The following MCMDC2 variants were observed in gnomAD, a reference collection of about 807,000 sequenced individuals.
MCMDC2 encodes the protein minichromosome maintenance domain-containing protein 2.
A neutral mutation model predicts 75.8 loss-of-function variants in MCMDC2; 54 were observed. That is an observed-to-expected ratio of 0.71 (90% CI 0.57 to 0.89). The LOEUF is 0.89. MCMDC2 is among the 40% of genes least tolerant of loss of function. The pLI is 0.00. For synonymous variants in MCMDC2, 249 were observed against 274.6 expected (o/e 0.91, Z 0.92); for missense variants, 656 against 780.4 (o/e 0.84, Z 1.90).
At chr8:66,889,869 A>G (rs922891625) in intron 9 of MCMDC2, among the ~76,000 whole-genome samples, 1 of 152,166 alleles carries the variant, frequency 6.6e-6, no homozygotes, top group Admixed American at 6.5e-5. Context: ...AACAAAGACA[A>G]ACAAAAAACC....
intron 13 of MCMDC2, 75 bp downstream of exon 13, chr8:66,901,423 C>A: frequency 6.5e-7 from 1 of 1,530,664 alleles, no homozygotes; most frequent in South Asian, 1.3e-5. Flanking sequence ...GCTAATTTAC[C>A]TATTTCACTT....
At chr8:66,874,016 T>G (rs761159285) in intron 1 of MCMDC2, 37 bp from the exon 2 acceptor site, 40 of 644,462 alleles carry the variant, frequency 6.2e-5, no homozygotes, top group Non-Finnish European at 9.1e-5. Flanking sequence ...AAAGTCTTAT[T>G]AGAGATTTTC....
In MCMDC2 at chr8:66,877,618, A is replaced by G. The variant is rs1217669401; in HGVS notation, c.481+74A>G. Reference sequence around the variant, plus strand: ...GGTGGCTCACACCTGTAATCCCTGCACTTTGGGAAGCTGAGGAGGGAGGAT... The same window carrying G: ...GGTGGCTCACACCTGTAATCCCTGCGCTTTGGGAAGCTGAGGAGGGAGGAT... On this transcript the variant is annotated intron_variant, in intron 5 of 14. Transcript: ENST00000422365. 5.3e-6 allele frequency: 6 copies of G among 1,126,696 alleles called. No individual in the cohort carries two copies. The East Asian group carries it at 1.4e-4, about 26-fold the overall frequency. 69.8% of individuals were successfully genotyped at this position (1,126,696 alleles called of 1,614,324 possible). A position where few individuals can be genotyped will look rare whatever the true frequency, so the allele number is the denominator to read the frequency against.
At chr8:66,888,036 TA>T (rs1348264879) in intron 9 of MCMDC2, among the ~76,000 whole-genome samples, 3 of 152,192 alleles carry the variant, frequency 2.0e-5, no homozygotes, top group Non-Finnish European at 2.9e-5. Flanking sequence ...TTTTAAAGAT[TA>T]AAAAAATTTT....
At chr8:66,906,198 T>A (rs1812898501) in intron 14 of MCMDC2, among the ~76,000 whole-genome samples, 1 of 152,068 alleles carries the variant, frequency 6.6e-6, no homozygotes, top group South Asian at 2.1e-4. Flanking sequence ...TCTCCCAAAG[T>A]TCTTGGTTGA....
At position 66,920,918 on chromosome 8, in the gene MCMDC2, C is replaced by G. The variant is rs1043752576; in HGVS notation, c.*1749C>G. 2 of 152,152 alleles carry G rather than the reference C, an allele frequency of 1.3e-5. No homozygotes were observed. The highest frequency in any genetic ancestry group is 4.8e-5 in the African/African-American group (2 of 41,422). The allele number at this position is 152,152 out of a possible 1,614,324, so 9.4% of individuals were successfully genotyped here. A position where few individuals can be genotyped will look rare whatever the true frequency, so the allele number is the denominator to read the frequency against. On this transcript the variant is annotated 3_prime_UTR_variant, in exon 15 of 15. Coordinates refer to ENST00000422365, the MANE Select transcript of MCMDC2 (RefSeq NM_173518.5). The stretch of plus-strand genomic sequence containing the variant: ...AAGTCATCCTCCCATCTCAGTACCT[C>G]AGCTTCCCAGTGTTGGGATTACAGG...
At chr8:66,882,427 G>A (rs572916513) in intron 8 of MCMDC2, among the ~76,000 whole-genome samples, 4 of 151,866 alleles carry the variant, frequency 2.6e-5, no homozygotes, top group East Asian at 1.9e-4. Flanking sequence ...GTGCAGTGAC[G>A]CAATCTCAGC....
At chr8:66,878,722 T>C (rs960753277) in intron 6 of MCMDC2, 26 bp downstream of exon 6, 2 of 1,514,722 alleles carry the variant, frequency 1.3e-6, no homozygotes, top group Non-Finnish European at 1.8e-6. Context: ...ATTTTGTAAT[T>C]ATAATTTTTA....
chr8:66,885,001 G>A (rs559784560), intron 9 of MCMDC2, among the ~76,000 whole-genome samples: 2 of 152,108 alleles, frequency 1.3e-5, no homozygotes, highest in Non-Finnish European at 2.9e-5. Context: ...GAACTCCTGG[G>A]CTCAAGCGAT....
chr8:66,884,540 A>G (rs1811742200), intron 9 of MCMDC2: 1 of 151,918 alleles, frequency 6.6e-6, no homozygotes, highest in South Asian at 2.1e-4. Context: ...CCTATTTAGT[A>G]TCTTGTATGC....
At chr8:66,891,117 C>T (rs367802715) in intron 10 of MCMDC2, 47 bp downstream of exon 10, 32 of 1,463,410 alleles carry the variant, frequency 2.2e-5, no homozygotes, top group Admixed American at 4.4e-5. Flanking sequence ...AACCTATACT[C>T]TCATCCATGT....
intron 14 of MCMDC2, among the ~76,000 whole-genome samples, chr8:66,908,932 C>T (rs1390985694): frequency 6.6e-6 from 1 of 152,086 alleles, no homozygotes; most frequent in Non-Finnish European, 1.5e-5. Flanking sequence ...AATATATTTA[C>T]TTAGTGACTG....
chr8:66,885,450 T>C (rs1585865639), intron 9 of MCMDC2, among the ~76,000 whole-genome samples: 2 of 152,330 alleles, frequency 1.3e-5, no homozygotes, highest in African/African-American at 4.8e-5. Context: ...ATGTATTATT[T>C]TTCTATGAAC....
chr8:66,899,047 A>G (rs1181889208), intron 12 of MCMDC2, among the ~76,000 whole-genome samples: 1 of 152,250 alleles, frequency 6.6e-6, no homozygotes, highest in Admixed American at 6.5e-5. Context: ...AAAAAGTGAA[A>G]TAGTAAAAAT....
At chr8:66,914,393 GACTT>G (rs1813231720) in intron 14 of MCMDC2, among the ~76,000 whole-genome samples, 1 of 152,038 alleles carries the variant, frequency 6.6e-6, no homozygotes, top group Non-Finnish European at 1.5e-5. Flanking sequence ...CAATGGAAGG[GACTT>G]ACTTTGGATT....
intron 13 of MCMDC2, chr8:66,901,686 C>T: frequency 1.0e-6 from 1 of 988,498 alleles, no homozygotes; most frequent in Non-Finnish European, 1.2e-6. Context: ...AATCCCAGCA[C>T]TTTGGGAGTC....
At chr8:66,922,652 A>G, downstream of MCMDC2, 1 of 372,712 alleles carries the variant, frequency 2.7e-6, no homozygotes, top group Admixed American at 3.0e-5. Flanking sequence ...TTTTTTCACA[A>G]CCTTCTACAA....
chr8:66,920,942 G>T lies in MCMDC2; in HGVS notation c.*1773G>T, dbSNP rs1813503460. ...TCAGCTTCCCAGTGTTGGGATTACAGGAGTGAGCCACCATGCATGGCACAA... is the reference window on the plus strand; with the variant it reads ...TCAGCTTCCCAGTGTTGGGATTACATGAGTGAGCCACCATGCATGGCACAA... On this transcript the variant is annotated 3_prime_UTR_variant, in exon 15 of 15. Transcript: ENST00000422365. The T allele has an allele frequency of 6.6e-6, 1 of 152,098 alleles. No individual in the cohort carries two copies. Among genetic ancestry groups the T allele is most frequent in the African/African-American group, 2.4e-5 (1 of 41,410 alleles). The allele number at this position is 152,098 out of a possible 1,614,324, so 9.4% of individuals were successfully genotyped here.
At chr8:66,881,170 A>T (rs1811540593) in intron 8 of MCMDC2, among the ~76,000 whole-genome samples, 196 bp downstream of exon 8, 1 of 152,232 alleles carries the variant, frequency 6.6e-6, no homozygotes, top group South Asian at 2.1e-4. Flanking sequence ...AGCAAAAGAC[A>T]ATTTCAGATA....
Sources: allele counts gnomAD v4.1 joint callset (sites outside exome capture counted in the v4.1 genomes callset), GRCh38; gene constraint gnomAD v4.1.1; transcripts MANE v1.5; gene names NCBI Gene and HGNC (gene_info 2026-07-23, HGNC 2026-07-21).